DNAH12: variants seen among roughly 807,000 people sequenced by gnomAD.
The protein encoded by DNAH12 is dynein axonemal heavy chain 12, also known as axonemal beta dynein heavy chain 12.
DNAH12 carries 285 observed loss-of-function variants against 371.5 expected under a neutral mutation model. That is an observed-to-expected ratio of 0.77 (90% CI 0.70 to 0.85). DNAH12 has a LOEUF of 0.85. DNAH12 is among the 40% of genes least tolerant of loss of function. DNAH12 has a pLI of 0.00. For synonymous variants in DNAH12, 1,200 were observed against 1,213.0 expected (o/e 0.99, Z 0.22); for missense variants, 3,611 against 3,689.4 (o/e 0.98, Z 0.55).
intron 11 of DNAH12, among the ~76,000 whole-genome samples, chr3:57,492,413 T>C (rs1434705475): frequency 2.0e-5 from 3 of 151,796 alleles, no homozygotes; most frequent in Non-Finnish European, 4.4e-5. Context: ...TGAGCCGAGA[T>C]TGCACCATTG....
intron 4 of DNAH12, among the ~76,000 whole-genome samples, chr3:57,512,717 C>A (rs1391188136): frequency 6.6e-6 from 1 of 152,192 alleles, no homozygotes; most frequent in Non-Finnish European, 1.5e-5. Flanking sequence ...ACTGGGAATA[C>A]ACCCAAAGAA....
intron 2 of DNAH12, among the ~76,000 whole-genome samples, chr3:57,528,686 A>G (rs2068734568): frequency 1.3e-5 from 2 of 150,224 alleles, no homozygotes; most frequent in South Asian, 4.3e-4. Flanking sequence ...AGATCATGCC[A>G]TTGCACTCCA....
intron 65 of DNAH12, among the ~76,000 whole-genome samples, chr3:57,315,605 G>A (rs1294125952): frequency 6.6e-6 from 1 of 151,988 alleles, no homozygotes; most frequent in African/African-American, 2.4e-5. Flanking sequence ...ATCTAGACTG[G>A]GTTCCTCCAA....
chr3:57,494,825 A>G (rs1370531244), intron 11 of DNAH12, among the ~76,000 whole-genome samples: 1 of 152,058 alleles, frequency 6.6e-6, no homozygotes, highest in Non-Finnish European at 1.5e-5. Context: ...CCTAGGCAAC[A>G]TGGTGAAACC....
chr3:57,500,045 C>CTTTT (rs34159826), intron 11 of DNAH12, among the ~76,000 whole-genome samples: 1 of 147,136 alleles, frequency 6.8e-6, no homozygotes, highest in African/African-American at 2.5e-5. Context: ...TCAGAATTAC[C>CTTTT]TTTTTTTTTT....
At chr3:57,350,594 T>C (rs1426211931) in intron 60 of DNAH12, among the ~76,000 whole-genome samples, 6 of 152,198 alleles carry the variant, frequency 3.9e-5, no homozygotes, top group African/African-American at 1.4e-4. Context: ...TATAGGAGAA[T>C]ACCTTCATAA....
intron 40 of DNAH12, among the ~76,000 whole-genome samples, chr3:57,407,688 G>C (rs1196285396): frequency 6.6e-6 from 1 of 152,108 alleles, no homozygotes; most frequent in East Asian, 1.9e-4. Context: ...GATGAGGCTG[G>C]CTCTAGTCTT....
intron 44 of DNAH12, among the ~76,000 whole-genome samples, chr3:57,392,567 G>A (rs1257194540): frequency 1.3e-5 from 2 of 152,000 alleles, no homozygotes; most frequent in African/African-American, 2.4e-5. Context: ...GGGCAACAGA[G>A]CAGTGAGACT....
chr3:57,413,684 T>C, intron 39 of DNAH12, 62 bp downstream of exon 39: 1 of 1,482,664 alleles, frequency 6.7e-7, no homozygotes, highest in Non-Finnish European at 9.0e-7. Context: ...TATTTTACTT[T>C]AAAAACCTAA....
intron 39 of DNAH12, among the ~76,000 whole-genome samples, chr3:57,413,386 C>T (rs1201498837): frequency 4.6e-5 from 7 of 152,086 alleles, no homozygotes; most frequent in Middle Eastern, 3.2e-3. Context: ...ATACATTTCT[C>T]CAAACCCATA....
intron 62 of DNAH12, among the ~76,000 whole-genome samples, chr3:57,324,640 C>T (rs189709607): frequency 6.6e-6 from 1 of 152,264 alleles, no homozygotes; most frequent in African/African-American, 2.4e-5. Flanking sequence ...CCAGCGTGAG[C>T]CACGCAGAAG....
intron 11 of DNAH12, chr3:57,498,266 T>C (rs575498001): frequency 2.9e-5 from 14 of 485,340 alleles, no homozygotes; most frequent in Admixed American, 1.4e-4. Flanking sequence ...GGAAATCTCA[T>C]ACACTGCTGG....
chr3:57,501,678 T>C (rs2067552411), intron 10 of DNAH12, among the ~76,000 whole-genome samples: 1 of 152,176 alleles, frequency 6.6e-6, no homozygotes, highest in African/African-American at 2.4e-5. Flanking sequence ...ATAGAAGATA[T>C]TGGTTAATAG....
At chr3:57,420,908 C>CAAAAAAAAAAAAAAAAAAA (rs369971376) in intron 36 of DNAH12, among the ~76,000 whole-genome samples, 1 of 78,016 alleles carries the variant, frequency 1.3e-5, no homozygotes, top group Admixed American at 1.6e-4. Context: ...GACTCCGTCT[C>CAAAAAAAAAAAAAAAAAAA]AAAAAAAAAA....
At chr3:57,422,483 C>T (rs994282442) in intron 35 of DNAH12, among the ~76,000 whole-genome samples, 16 of 151,990 alleles carry the variant, frequency 1.1e-4, no homozygotes, top group Admixed American at 2.0e-4. Flanking sequence ...TGTGAGACAC[C>T]GCGCCCGGCC....
intron 37 of DNAH12, among the ~76,000 whole-genome samples, chr3:57,418,371 A>G (rs1184728527): frequency 4.5e-5 from 6 of 133,164 alleles, no homozygotes; most frequent in Non-Finnish European, 9.6e-5. Context: ...TCTACAAAAA[A>G]AAAAAAAAAA....
chr3:57,391,071 C>T (rs1377930796), intron 45 of DNAH12, among the ~76,000 whole-genome samples: 1 of 152,148 alleles, frequency 6.6e-6, no homozygotes, highest in Non-Finnish European at 1.5e-5. Context: ...GTACTATTCT[C>T]TAATAATGGT....
At chr3:57,409,176 T>C (rs2064128892) in intron 39 of DNAH12, among the ~76,000 whole-genome samples, 1 of 152,186 alleles carries the variant, frequency 6.6e-6, no homozygotes, top group South Asian at 2.1e-4. Flanking sequence ...GGAAATGACA[T>C]AATTTAGCTG....
At chr3:57,515,868 CTCT>C (rs990807138) in intron 4 of DNAH12, among the ~76,000 whole-genome samples, 2 of 151,718 alleles carry the variant, frequency 1.3e-5, no homozygotes, top group African/African-American at 4.8e-5. Context: ...ATTCTTTGTA[CTCT>C]TTTTTGCAAC....
Sources: gnomAD v4.1 joint callset for allele counts (sites outside exome capture counted in the v4.1 genomes callset) on GRCh38, gnomAD v4.1.1 for gene constraint, MANE v1.5 for transcripts, NCBI Gene and HGNC (gene_info 2026-07-23, HGNC 2026-07-21) for gene names.